Variants in RALYL observed in about 807,000 individuals in gnomAD.
The protein encoded by RALYL is RNA-binding Raly-like protein.
RALYL carries 29 observed loss-of-function variants against 35.1 expected under a neutral mutation model. The observed-to-expected ratio is 0.83, with a 90% CI of 0.61 to 1.13. The LOEUF is 1.13. Among genes scored for constraint, RALYL ranks in the 50% most tolerant of loss-of-function variants. The probability of loss-of-function intolerance (pLI) is 0.00; values close to 1 mark genes in which losing one functional copy is unlikely to be tolerated. For synonymous variants in RALYL, 120 were observed against 127.6 expected (o/e 0.94, Z 0.40); for missense variants, 359 against 360.4 (o/e 1.00, Z 0.03).
intron 4 of RALYL, among the ~76,000 whole-genome samples, chr8:84,820,814 T>A (rs1414306892): frequency 6.6e-6 from 1 of 152,110 alleles, no homozygotes; most frequent in Non-Finnish European, 1.5e-5. Flanking sequence ...GAAAGGGTAA[T>A]CATATAGTCA....
intron 1 of RALYL, among the ~76,000 whole-genome samples, chr8:84,448,478 G>A (rs1175558248): frequency 6.6e-6 from 1 of 151,738 alleles, no homozygotes; most frequent in Admixed American, 6.6e-5. Context: ...TTCTGCCCCC[G>A]CCCCCATATA....
chr8:84,227,978 A>G (rs1252740370), intron 1 of RALYL, among the ~76,000 whole-genome samples: 2 of 152,138 alleles, frequency 1.3e-5, no homozygotes, highest in Admixed American at 6.6e-5. Flanking sequence ...GCTTACTGAC[A>G]TGGCACATAC....
At chr8:84,358,703 C>T (rs1852352320) in intron 1 of RALYL, among the ~76,000 whole-genome samples, 1 of 151,950 alleles carries the variant, frequency 6.6e-6, no homozygotes, top group African/African-American at 2.4e-5. Flanking sequence ...CTTAACTGCA[C>T]TGGTGAAACT....
chr8:84,512,465 A>G (rs2057703218), intron 1 of RALYL, among the ~76,000 whole-genome samples: 1 of 151,982 alleles, frequency 6.6e-6, no homozygotes, highest in African/African-American at 2.4e-5. Context: ...GTCAGATTTT[A>G]TCCCATTCAA....
intron 1 of RALYL, among the ~76,000 whole-genome samples, chr8:84,216,509 C>A (rs1401327024): frequency 2.0e-5 from 3 of 152,130 alleles, no homozygotes; most frequent in East Asian, 3.9e-4. Context: ...CTACAGTGAG[C>A]AAATTAACAT....
intron 1 of RALYL, among the ~76,000 whole-genome samples, chr8:84,454,722 T>C (rs1434880872): frequency 6.6e-6 from 1 of 152,060 alleles, no homozygotes; most frequent in Admixed American, 6.6e-5. Flanking sequence ...CATTCAATGT[T>C]AGGTACTTTC....
intron 1 of RALYL, among the ~76,000 whole-genome samples, chr8:84,274,640 T>G (rs1835005653): frequency 6.6e-6 from 1 of 152,196 alleles, no homozygotes; most frequent in East Asian, 1.9e-4. Flanking sequence ...AAGAGACTGC[T>G]CCTTTGGTGT....
intron 2 of RALYL, among the ~76,000 whole-genome samples, chr8:84,602,133 A>G (rs777601246): frequency 9.9e-5 from 15 of 152,066 alleles, no homozygotes; most frequent in Non-Finnish European, 1.8e-4. Context: ...CCATGACATC[A>G]TATGCAGTGA....
intron 1 of RALYL, among the ~76,000 whole-genome samples, chr8:84,306,634 C>A (rs1841869277): frequency 6.6e-6 from 1 of 152,134 alleles, no homozygotes; most frequent in Non-Finnish European, 1.5e-5. Flanking sequence ...ATGTTGGGCC[C>A]CCTTGTCTCA....
chr8:84,292,352 C>A (rs567191540), intron 1 of RALYL, among the ~76,000 whole-genome samples: 1 of 152,094 alleles, frequency 6.6e-6, no homozygotes, highest in East Asian at 1.9e-4. Flanking sequence ...TTTTGTCTCA[C>A]AGATTTTCTT....
intron 2 of RALYL, among the ~76,000 whole-genome samples, chr8:84,616,722 T>G (rs966313182): frequency 1.5e-4 from 23 of 151,318 alleles, no homozygotes; most frequent in African/African-American, 5.3e-4. Context: ...TTTATGGTTT[T>G]AGGTCTAACG....
intron 2 of RALYL, among the ~76,000 whole-genome samples, chr8:84,713,831 TA>T (rs1842559744): frequency 6.7e-6 from 1 of 148,488 alleles, no homozygotes; most frequent in Non-Finnish European, 1.5e-5. Flanking sequence ...GGAATCAACA[TA>T]AATGTCCATC....
rs553824046 is a variant in RALYL at position 84,425,198 on chromosome 8, C to A, written c.-23-104101C>A. On this transcript the variant is annotated intron_variant, in intron 1 of 8. Transcript: ENST00000521268. ...CTCAGACTGCTGTGCTAGCAATCAG[C>A]GAGATTCCGTGGGCATAGGACCCTC... Among the ~76,000 whole-genome samples the A allele has an allele frequency of 2.0e-5, 3 of 152,200 alleles. No individual in the cohort carries two copies. In the South Asian group the frequency reaches 6.2e-4, roughly 32 times the overall value.
chr8:84,439,787 A>G (rs945471434), intron 1 of RALYL, among the ~76,000 whole-genome samples: 2 of 152,086 alleles, frequency 1.3e-5, no homozygotes, highest in African/African-American at 4.8e-5. Context: ...TATGGTCACA[A>G]TTAAGAGAAA....
chr8:84,737,312 A>G (rs981349852), intron 2 of RALYL, among the ~76,000 whole-genome samples: 2 of 152,076 alleles, frequency 1.3e-5, no homozygotes, highest in African/African-American at 2.4e-5. Flanking sequence ...CTCATAAGGT[A>G]TGTTACCAAA....
chr8:84,328,721 A>C (rs762307428), intron 1 of RALYL, among the ~76,000 whole-genome samples: 2 of 152,184 alleles, frequency 1.3e-5, no homozygotes, highest in Non-Finnish European at 2.9e-5. Flanking sequence ...CCCAGTGAGC[A>C]TAGTACCCAA....
At position 84,887,740 on chromosome 8, in the gene RALYL, A is replaced by G; in HGVS notation, c.822A>G (p.Ile274Met). 6.2e-7 allele frequency: 1 copy of G among 1,613,846 alleles called. No homozygotes were observed. Among genetic ancestry groups the G allele is most frequent in the Non-Finnish European group, 8.5e-7 (1 of 1,179,774 alleles). ...ATGGAGAAGAGATGACAGATGGGAT[A>G]GAGGAGGACTTCGATGAAGATGGGG... Reference protein sequence around the residue: ...DADGEEMTDGIEEDFDEDGGH... With the variant: ...DADGEEMTDGMEEDFDEDGGH... Residue 274 changes from isoleucine to methionine, a missense_variant, in exon 8 of 9, where the codon ATA becomes ATG. Ile to Met is a conservative substitution (Grantham distance 10). Transcript: ENST00000521268.
At chr8:84,477,296 G>A (rs2053535084) in intron 1 of RALYL, among the ~76,000 whole-genome samples, 1 of 151,672 alleles carries the variant, frequency 6.6e-6, no homozygotes, top group Admixed American at 6.6e-5. Flanking sequence ...ATCTCCTTTA[G>A]CATCTAACGC....
intron 2 of RALYL, among the ~76,000 whole-genome samples, chr8:84,612,299 A>C (rs1332156504): frequency 6.6e-6 from 1 of 152,050 alleles, no homozygotes; most frequent in Non-Finnish European, 1.5e-5. Flanking sequence ...ATATTACCCA[A>C]GTCATGAATA....
Sources: gnomAD v4.1 joint callset for allele counts (sites outside exome capture counted in the v4.1 genomes callset) on GRCh38, gnomAD v4.1.1 for gene constraint, MANE v1.5 for transcripts, NCBI Gene and HGNC (gene_info 2026-07-23, HGNC 2026-07-21) for gene names.